Variants in DMXL2 observed in about 807,000 individuals in gnomAD.
DMXL2 encodes dmX-like protein 2.
DMXL2 carries 103 observed loss-of-function variants against 331.1 expected under a neutral mutation model. That is an observed-to-expected ratio of 0.31 (90% CI 0.27 to 0.37). DMXL2 has a LOEUF of 0.37. Ranked by LOEUF, DMXL2 falls within the 10% of genes least tolerant of loss-of-function variation. DMXL2 has a pLI of 1.00. For missense variants in DMXL2, 3,171 were observed against 3,642.9 expected, an observed-to-expected ratio of 0.87 and a Z score of 3.33; for synonymous variants, 1,281 against 1,252.1, an observed-to-expected ratio of 1.02 and a Z score of -0.49.
chr15:51,613,981 T>A (rs773705296), intron 1 of DMXL2, among the ~76,000 whole-genome samples: 1 of 152,332 alleles, frequency 6.6e-6, no homozygotes, highest in East Asian at 1.9e-4. Flanking sequence ...GTGGACTATA[T>A]TGTGTAACCC....
intron 8 of DMXL2, among the ~76,000 whole-genome samples, chr15:51,545,006 T>TTA (rs1444288106): frequency 6.6e-6 from 1 of 152,078 alleles, no homozygotes; most frequent in Non-Finnish European, 1.5e-5. Context: ...GTGCTATGTG[T>TTA]TATAACGTAA....
At chr15:51,452,920 GATAATCAC>G (rs2039278500) in intron 41 of DMXL2, among the ~76,000 whole-genome samples, 1 of 152,160 alleles carries the variant, frequency 6.6e-6, no homozygotes, top group Admixed American at 6.5e-5. Context: ...AAAGGAATGA[GATAATCAC>G]ATTTTGCAGC....
At chr15:51,465,122 G>A (rs879682438) in intron 31 of DMXL2, among the ~76,000 whole-genome samples, 27 of 152,176 alleles carry the variant, frequency 1.8e-4, no homozygotes, top group Non-Finnish European at 7.3e-5. Flanking sequence ...GAAGCCAGGT[G>A]TGGTGGCTCA....
intron 6 of DMXL2, among the ~76,000 whole-genome samples, chr15:51,555,255 A>G (rs751660136): frequency 7.9e-5 from 12 of 152,234 alleles, no homozygotes; most frequent in Non-Finnish European, 1.3e-4. Context: ...ATTTAATACA[A>G]TAATACAAGT....
chr15:51,539,730 G>C (rs535870116), intron 9 of DMXL2, among the ~76,000 whole-genome samples: 7 of 152,162 alleles, frequency 4.6e-5, no homozygotes, highest in African/African-American at 1.7e-4. Context: ...GATTGCCTGA[G>C]CCGGAGAGGT....
chr15:51,459,283 A>G (rs1192048311), intron 34 of DMXL2: 5 of 212,844 alleles, frequency 2.3e-5, no homozygotes, highest in Non-Finnish European at 4.9e-5. Flanking sequence ...GATGAGAGGA[A>G]GATGCAATGG....
chr15:51,615,725 CCTG>C (rs1230003368), intron 1 of DMXL2, among the ~76,000 whole-genome samples: 32 of 152,266 alleles, frequency 2.1e-4, no homozygotes, highest in Admixed American at 1.9e-3. Flanking sequence ...ATGATTACCT[CCTG>C]CTGATTAGAT....
chr15:51,602,415 T>C (rs1279038816), intron 1 of DMXL2, among the ~76,000 whole-genome samples: 1 of 151,284 alleles, frequency 6.6e-6, no homozygotes, highest in South Asian at 2.1e-4. Flanking sequence ...CCCAAGAGAG[T>C]AGAGTGGATC....
At chr15:51,538,183 G>C (rs776079903) in intron 10 of DMXL2, 30 bp downstream of exon 10, 2 of 1,583,992 alleles carry the variant, frequency 1.3e-6, no homozygotes, top group South Asian at 2.3e-5. Context: ...TAACTTTGGA[G>C]TAAGTAAAAT....
At chr15:51,573,379 T>A (rs8040648) in intron 2 of DMXL2, among the ~76,000 whole-genome samples, 73,064 of 151,952 alleles carry the variant, frequency 0.48, 17,877 homozygotes, top group Non-Finnish European at 0.52. Flanking sequence ...TCATTCTACT[T>A]TAAAGACACA....
chr15:51,574,402 A>C (rs938652652), intron 2 of DMXL2, among the ~76,000 whole-genome samples: 2 of 151,088 alleles, frequency 1.3e-5, no homozygotes, highest in African/African-American at 4.9e-5. Flanking sequence ...TTAACCTTTA[A>C]AACTCAATTA....
intron 26 of DMXL2, among the ~76,000 whole-genome samples, chr15:51,477,227 A>G (rs1274973254): frequency 2.6e-5 from 4 of 152,100 alleles, no homozygotes; most frequent in Non-Finnish European, 5.9e-5. Context: ...TTATTTAATA[A>G]TATTTACTTC....
intron 9 of DMXL2, among the ~76,000 whole-genome samples, chr15:51,539,630 G>A (rs919403197): frequency 1.3e-5 from 2 of 152,112 alleles, no homozygotes; most frequent in East Asian, 1.9e-4. Context: ...GAAACACAGC[G>A]AGACACTGAC....
chr15:51,582,590 C>T (rs116283035), intron 1 of DMXL2, among the ~76,000 whole-genome samples: 5 of 152,120 alleles, frequency 3.3e-5, no homozygotes, highest in African/African-American at 7.2e-5. Context: ...CAGGAAAACA[C>T]CCATTCCTTC....
intron 1 of DMXL2, among the ~76,000 whole-genome samples, chr15:51,599,045 G>A (rs2053039253): frequency 6.6e-6 from 1 of 152,096 alleles, no homozygotes; most frequent in Non-Finnish European, 1.5e-5. Flanking sequence ...ATTTATATCA[G>A]TAAAAATTCA....
intron 27 of DMXL2, 152 bp from the exon 28 acceptor site, chr15:51,474,744 AT>A: frequency 1.2e-6 from 1 of 801,040 alleles, no homozygotes; most frequent in Non-Finnish European, 1.9e-6. Context: ...ATAGGAATGG[AT>A]TATAGCCTAT....
chr15:51,495,114 A>T lies in DMXL2; in HGVS notation c.4693T>A (p.Cys1565Ser), dbSNP rs918882237. The T allele has an allele frequency of 6.2e-7, 1 of 1,612,116 alleles. No individual in the cohort carries two copies. The highest frequency in any genetic ancestry group is 1.3e-5 in the African/African-American group (1 of 74,824). The change falls in exon 19 of 44, where the codon TGT becomes AGT. Residue 1565 changes from cysteine to serine, a missense_variant. By Grantham distance (112) the Cys-to-Ser change is moderately radical. Coordinates refer to ENST00000560891, the MANE Select transcript of DMXL2 (RefSeq NM_001378457.1). Reference protein sequence around the residue: ...SCSGRDTLDECGLRYLLAMRL... With the variant: ...SCSGRDTLDESGLRYLLAMRL... Reference sequence around the variant, plus strand: ...ATAGCTAACAAGTATCTCAAACCACACTCATCTAATGTATCTCTTCCTGTA... The same window carrying T: ...ATAGCTAACAAGTATCTCAAACCACTCTCATCTAATGTATCTCTTCCTGTA...
chr15:51,563,520 G>C (rs2050094188), intron 5 of DMXL2, 73 bp from the exon 6 acceptor site: 1 of 1,018,716 alleles, frequency 9.8e-7, no homozygotes, highest in African/African-American at 1.7e-5. Context: ...GTCAAGATGA[G>C]ATTTTTGTAA....
chr15:51,488,736 C>T (rs926527814), intron 20 of DMXL2, 91 bp from the exon 21 acceptor site: 1 of 1,094,108 alleles, frequency 9.1e-7, no homozygotes, highest in Non-Finnish European at 1.3e-6. Flanking sequence ...ACTTCCATGG[C>T]TGATAGAAAC....
Sources: allele counts gnomAD v4.1 joint callset (sites outside exome capture counted in the v4.1 genomes callset), GRCh38; gene constraint gnomAD v4.1.1; transcripts MANE v1.5; gene names NCBI Gene and HGNC (gene_info 2026-07-23, HGNC 2026-07-21).